Variants in ARHGAP26 observed in about 807,000 individuals in gnomAD.
The protein encoded by ARHGAP26 is rho GTPase-activating protein 26.
ARHGAP26 carries 38 observed loss-of-function variants against 104.8 expected under a neutral mutation model. The observed-to-expected ratio is 0.36, with a 90% CI of 0.28 to 0.48. ARHGAP26 has a LOEUF of 0.48. Ranked by LOEUF, ARHGAP26 falls within the 20% of genes least tolerant of loss-of-function variation. The pLI, the probability that ARHGAP26 is intolerant of heterozygous loss-of-function variation, is 0.99. For missense variants in ARHGAP26, 704 were observed against 947.9 expected, an observed-to-expected ratio of 0.74 and a Z score of 3.38; for synonymous variants, 341 against 340.0, an observed-to-expected ratio of 1.00 and a Z score of -0.03.
chr5:142,931,267 A>T (rs1764675216), intron 10 of ARHGAP26, among the ~76,000 whole-genome samples: 1 of 152,224 alleles, frequency 6.6e-6, no homozygotes, highest in African/African-American at 2.4e-5. Flanking sequence ...CTCCTGCTTT[A>T]ATGGGCATAG....
At chr5:142,791,391 A>G (rs1338206079) in intron 1 of ARHGAP26, among the ~76,000 whole-genome samples, 2 of 152,078 alleles carry the variant, frequency 1.3e-5, no homozygotes, top group Non-Finnish European at 2.9e-5. Flanking sequence ...TTAGGTCTCT[A>G]TTGCTTTACT....
chr5:143,211,407 G>A (rs1259571015), intron 21 of ARHGAP26, among the ~76,000 whole-genome samples: 1 of 151,952 alleles, frequency 6.6e-6, no homozygotes. Flanking sequence ...AACAGGAATG[G>A]CCCCCTTTAA....
intron 1 of ARHGAP26, among the ~76,000 whole-genome samples, chr5:142,796,263 C>T (rs1187315284): frequency 6.6e-6 from 1 of 152,188 alleles, no homozygotes; most frequent in Non-Finnish European, 1.5e-5. Context: ...CCTATTCTCT[C>T]TGGCCAAAGA....
At chr5:143,150,833 T>C (rs1331399606) in intron 20 of ARHGAP26, among the ~76,000 whole-genome samples, 8 of 152,296 alleles carry the variant, frequency 5.3e-5, no homozygotes, top group Non-Finnish European at 7.4e-5. Context: ...GAAGATAACA[T>C]AGGAGAAAAC....
chr5:143,156,145 G>A (rs1481781176), intron 20 of ARHGAP26, among the ~76,000 whole-genome samples: 2 of 152,168 alleles, frequency 1.3e-5, no homozygotes, highest in African/African-American at 2.4e-5. Flanking sequence ...CTACCTCTGT[G>A]TATTTAATCT....
intron 20 of ARHGAP26, among the ~76,000 whole-genome samples, chr5:143,195,352 T>C (rs1806650667): frequency 6.6e-6 from 1 of 152,232 alleles, no homozygotes; most frequent in Non-Finnish European, 1.5e-5. Context: ...GGGCCACTGC[T>C]GCTAATTTTA....
intron 6 of ARHGAP26, among the ~76,000 whole-genome samples, chr5:142,901,102 G>A (rs17287483): frequency 0.029 from 4,341 of 152,290 alleles, 79 homozygotes; most frequent in South Asian, 0.055. Flanking sequence ...AGCTCCGAGA[G>A]GAAAGACCAC....
At chr5:143,056,114 G>T (rs1785770842) in intron 16 of ARHGAP26, 28 bp downstream of exon 16, 3 of 1,584,328 alleles carry the variant, frequency 1.9e-6, no homozygotes, top group East Asian at 4.5e-5. Context: ...CAGTTTTAAG[G>T]GGAAGAGAAT....
At chr5:142,812,546 C>G (rs1294992829) in intron 1 of ARHGAP26, among the ~76,000 whole-genome samples, 1 of 152,026 alleles carries the variant, frequency 6.6e-6, no homozygotes, top group South Asian at 2.1e-4. Context: ...CCATGTTGGC[C>G]AGGCTGGTCT....
chr5:143,004,258 C>A (rs1320629906), intron 11 of ARHGAP26, among the ~76,000 whole-genome samples: 1 of 152,110 alleles, frequency 6.6e-6, no homozygotes, highest in African/African-American at 2.4e-5. Context: ...TACAGTTAGT[C>A]CACAAGGACT....
intron 17 of ARHGAP26, among the ~76,000 whole-genome samples, chr5:143,093,623 CCTCT>C (rs563152506): frequency 6.6e-6 from 1 of 151,004 alleles, no homozygotes; most frequent in Non-Finnish European, 1.5e-5. Context: ...TTTGTCTCCT[CCTCT>C]CTCTCTCTGC....
intron 1 of ARHGAP26, among the ~76,000 whole-genome samples, chr5:142,869,632 T>C (rs1241180589): frequency 2.6e-5 from 4 of 152,180 alleles, no homozygotes; most frequent in Non-Finnish European, 5.9e-5. Flanking sequence ...GAGTCCATGT[T>C]TGTGTGTGCA....
intron 20 of ARHGAP26, among the ~76,000 whole-genome samples, chr5:143,151,444 T>G (rs972131890): frequency 6.6e-6 from 1 of 152,228 alleles, no homozygotes; most frequent in Non-Finnish European, 1.5e-5. Flanking sequence ...TGAGTTGAAA[T>G]TTATGTCTAC....
chr5:142,784,996 G>A (rs565500233), intron 1 of ARHGAP26, among the ~76,000 whole-genome samples: 29 of 142,878 alleles, frequency 2.0e-4, no homozygotes, highest in African/African-American at 7.1e-4. Context: ...GCGCGATCTC[G>A]GCTCACTGCA....
At chr5:142,961,806 A>T (rs972320808) in intron 11 of ARHGAP26, among the ~76,000 whole-genome samples, 4 of 152,214 alleles carry the variant, frequency 2.6e-5, no homozygotes, top group Non-Finnish European at 4.4e-5. Flanking sequence ...TAAATAAATG[A>T]TCATCTTTTA....
At chr5:142,845,875 A>G (rs2152226515) in intron 1 of ARHGAP26, among the ~76,000 whole-genome samples, 1 of 152,062 alleles carries the variant, frequency 6.6e-6, no homozygotes, top group African/African-American at 2.4e-5. Flanking sequence ...TTGGCTTGTC[A>G]GCAGTTGGTC....
chr5:142,879,602 A>T (rs1756651273), intron 4 of ARHGAP26, among the ~76,000 whole-genome samples, 157 bp downstream of exon 4: 1 of 152,218 alleles, frequency 6.6e-6, no homozygotes, highest in Non-Finnish European at 1.5e-5. Flanking sequence ...AGCCCAACTC[A>T]TCGGTTCTTT....
chr5:142,778,486 G>A (rs1756820365), intron 1 of ARHGAP26, among the ~76,000 whole-genome samples: 1 of 152,054 alleles, frequency 6.6e-6, no homozygotes, highest in African/African-American at 2.4e-5. Flanking sequence ...GGATTATTTT[G>A]TGTTTTGCTT....
intron 11 of ARHGAP26, among the ~76,000 whole-genome samples, chr5:143,011,361 C>T (rs2152810402): frequency 8.3e-6 from 1 of 120,732 alleles, no homozygotes; most frequent in South Asian, 2.9e-4. Context: ...TTGAAGTAAT[C>T]ATAAATGTGC....
Sources: gnomAD v4.1 joint callset for allele counts (sites outside exome capture counted in the v4.1 genomes callset) on GRCh38, gnomAD v4.1.1 for gene constraint, MANE v1.5 for transcripts, NCBI Gene and HGNC (gene_info 2026-07-23, HGNC 2026-07-21) for gene names.